SUGCT: variants seen among roughly 807,000 people sequenced by gnomAD.
The protein encoded by SUGCT is succinyl-CoA:glutarate-CoA transferase, also known as succinyl-CoA:glutarate CoA-transferase.
SUGCT carries 41 observed loss-of-function variants against 55.0 expected under a neutral mutation model. The ratio of observed to expected loss-of-function variants is 0.74; its 90% confidence interval spans 0.58 to 0.97. The LOEUF is 0.97. Among genes scored for constraint, SUGCT ranks in the 50% least tolerant of loss-of-function variants. SUGCT has a pLI of 0.00. For missense variants in SUGCT, 568 were observed against 547.8 expected (o/e 1.04, Z -0.37); for synonymous variants, 187 against 200.4 (o/e 0.93, Z 0.56).
At chr7:40,762,965 G>A (rs374606173) in intron 13 of SUGCT, among the ~76,000 whole-genome samples, 54 of 151,914 alleles carry the variant, frequency 3.6e-4, no homozygotes, top group African/African-American at 1.3e-3. Flanking sequence ...GGTGCCCACC[G>A]TCATGCCCAG....
intron 5 of SUGCT, among the ~76,000 whole-genome samples, chr7:40,192,630 C>CTTTTT (rs748789860): frequency 8.9e-5 from 12 of 134,806 alleles, no homozygotes; most frequent in African/African-American, 2.3e-4. Context: ...TTCTTTCTTT[C>CTTTTT]TTTTTTTTTT....
chr7:40,451,318 T>C (rs956037501), intron 10 of SUGCT, among the ~76,000 whole-genome samples: 2 of 152,196 alleles, frequency 1.3e-5, no homozygotes, highest in Non-Finnish European at 2.9e-5. Context: ...TACTGAATTC[T>C]TTGTATTTTT....
chr7:40,751,992 G>T (rs1182800550), intron 13 of SUGCT, among the ~76,000 whole-genome samples: 1 of 152,140 alleles, frequency 6.6e-6, no homozygotes, highest in African/African-American at 2.4e-5. Flanking sequence ...TATTTCTTTT[G>T]CCCACTTTAA....
At chr7:40,685,578 A>G (rs1310610044) in intron 12 of SUGCT, among the ~76,000 whole-genome samples, 1 of 152,182 alleles carries the variant, frequency 6.6e-6, no homozygotes, top group Non-Finnish European at 1.5e-5. Flanking sequence ...TTGCTGTTGC[A>G]TGCCTCATCC....
At chr7:40,352,536 C>T (rs780081150) in intron 9 of SUGCT, among the ~76,000 whole-genome samples, 29 of 152,058 alleles carry the variant, frequency 1.9e-4, no homozygotes, top group Non-Finnish European at 3.8e-4. Context: ...GTGTTTAGCT[C>T]CCACATGTAA....
At chr7:40,893,020 T>C in the SUGCT span, among the ~76,000 whole-genome samples, 1 of 152,152 alleles carries the variant, frequency 6.6e-6, no homozygotes, top group Non-Finnish European at 1.5e-5. Flanking sequence ...GGAGTGGTTA[T>C]ATTTATATAT....
At chr7:40,457,653 A>G (rs552512648) in intron 10 of SUGCT, among the ~76,000 whole-genome samples, 69 of 152,304 alleles carry the variant, frequency 4.5e-4, no homozygotes, top group African/African-American at 1.6e-3. Flanking sequence ...ATAGCTGAAG[A>G]TGGAAGGATC....
intron 12 of SUGCT, among the ~76,000 whole-genome samples, chr7:40,697,200 G>C (rs1247994321): frequency 6.6e-6 from 1 of 152,088 alleles, no homozygotes; most frequent in Non-Finnish European, 1.5e-5. Context: ...CCTACAAAAA[G>C]TACTTGGCAT....
At chr7:40,300,934 G>T (rs1243726775) in intron 8 of SUGCT, among the ~76,000 whole-genome samples, 1 of 152,168 alleles carries the variant, frequency 6.6e-6, no homozygotes, top group African/African-American at 2.4e-5. Context: ...CCATAAAATG[G>T]CAGTTATATT....
intron 1 of SUGCT, chr7:40,153,503 A>G: frequency 8.1e-6 from 3 of 371,150 alleles, no homozygotes; most frequent in South Asian, 2.4e-5. Context: ...GACGTATCAC[A>G]CATTTTGGAC....
At chr7:40,832,472 A>T (rs980063651) in intron 13 of SUGCT, among the ~76,000 whole-genome samples, 1 of 152,088 alleles carries the variant, frequency 6.6e-6, no homozygotes, top group African/African-American at 2.4e-5. Flanking sequence ...GTTCTGCACC[A>T]AACAGTTAAG....
At chr7:40,225,537 A>G (rs909180393) in intron 6 of SUGCT, among the ~76,000 whole-genome samples, 7 of 151,756 alleles carry the variant, frequency 4.6e-5, no homozygotes, top group Non-Finnish European at 1.0e-4. Flanking sequence ...GCCGGGTATA[A>G]GCGATTCTCC....
intron 1 of SUGCT, among the ~76,000 whole-genome samples, chr7:40,162,709 A>AGTGAC (rs1784237934): frequency 6.6e-6 from 1 of 152,174 alleles, no homozygotes; most frequent in Admixed American, 6.6e-5. Context: ...GTTGGTCTCA[A>AGTGAC]ACTCCAGGGC....
At chr7:40,427,145 T>G (rs1323443476) in intron 9 of SUGCT, among the ~76,000 whole-genome samples, 1 of 152,126 alleles carries the variant, frequency 6.6e-6, no homozygotes, top group Non-Finnish European at 1.5e-5. Context: ...TTGAGACATA[T>G]ATGTCCAGGA....
chr7:40,915,273 C>T, the SUGCT span, among the ~76,000 whole-genome samples: 1 of 152,232 alleles, frequency 6.6e-6, no homozygotes, highest in South Asian at 2.1e-4. Flanking sequence ...GGACAGAGCA[C>T]CGGTCTTATC....
chr7:40,784,534 C>T (rs1921743), intron 13 of SUGCT, among the ~76,000 whole-genome samples: 25,867 of 152,108 alleles, frequency 0.17, 2,601 homozygotes, highest in East Asian at 0.41. Context: ...TATTAATACA[C>T]GTGAATTCTT....
At chr7:40,627,503 C>T (rs1799576987) in intron 12 of SUGCT, among the ~76,000 whole-genome samples, 1 of 152,086 alleles carries the variant, frequency 6.6e-6, no homozygotes, top group African/African-American at 2.4e-5. Context: ...CAATCAGAGG[C>T]TAAAATGAAG....
At chr7:40,367,166 C>T (rs1211303694) in intron 9 of SUGCT, among the ~76,000 whole-genome samples, 1 of 147,346 alleles carries the variant, frequency 6.8e-6, no homozygotes, top group African/African-American at 2.5e-5. Flanking sequence ...ATCGCAAGGA[C>T]AAAAAACCAA....
At chr7:40,846,893 GT>G (rs1450006523) in intron 13 of SUGCT, among the ~76,000 whole-genome samples, 5 of 152,088 alleles carry the variant, frequency 3.3e-5, no homozygotes, top group Non-Finnish European at 5.9e-5. Flanking sequence ...TGAGAAAATG[GT>G]GTCATAATGA....
Sources: allele counts gnomAD v4.1 joint callset (sites outside exome capture counted in the v4.1 genomes callset), GRCh38; gene constraint gnomAD v4.1.1; transcripts MANE v1.5; gene names NCBI Gene and HGNC (gene_info 2026-07-23, HGNC 2026-07-21).